PTPRQ: variants seen among roughly 807,000 people sequenced by gnomAD.
The protein encoded by PTPRQ is phosphatidylinositol phosphatase PTPRQ.
Under a neutral mutation model 246.0 loss-of-function variants are expected in PTPRQ, and 199 were observed. The ratio of observed to expected loss-of-function variants is 0.81; its 90% CI spans 0.72 to 0.91. The LOEUF (loss-of-function observed/expected upper bound fraction) is 0.91, where lower values mean the gene tolerates loss of function less well. Ranked by LOEUF, PTPRQ falls within the 40% of genes least tolerant of loss-of-function variation. The pLI, the probability that PTPRQ is intolerant of heterozygous loss-of-function variation, is 0.00. For synonymous variants in PTPRQ, 869 were observed against 853.2 expected (o/e 1.02, Z -0.32); for missense variants, 2,624 against 2,528.4 (o/e 1.04, Z -0.81).
intron 3 of PTPRQ, among the ~76,000 whole-genome samples, chr12:80,450,280 G>C (rs1479212992): frequency 6.6e-6 from 1 of 152,288 alleles, no homozygotes. Flanking sequence ...ATTTTGGGCT[G>C]AGACGATGGG....
At chr12:80,622,234 A>AACATT in intron 33 of PTPRQ, 100 bp downstream of exon 33, 1 of 1,001,756 alleles carries the variant, frequency 1.0e-6, no homozygotes, top group Non-Finnish European at 1.3e-6. Flanking sequence ...GTTTTAAAAT[A>AACATT]TAAACTCATT....
intron 18 of PTPRQ, 77 bp from the exon 19 acceptor site, chr12:80,534,815 G>A: frequency 6.9e-7 from 1 of 1,447,204 alleles, no homozygotes; most frequent in East Asian, 2.6e-5. Flanking sequence ...TTTATAAACT[G>A]TAGGTAAAAT....
chr12:80,652,918 T>G, intron 38 of PTPRQ, 84 bp downstream of exon 38: 1 of 1,310,724 alleles, frequency 7.6e-7, no homozygotes, highest in African/African-American at 1.5e-5. Flanking sequence ...CTTAATATAT[T>G]TTATTTTATA....
intron 14 of PTPRQ, among the ~76,000 whole-genome samples, chr12:80,503,847 T>C (rs916463131): frequency 4.0e-5 from 6 of 151,800 alleles, no homozygotes; most frequent in Non-Finnish European, 7.4e-5. Context: ...TCTGAATATG[T>C]TTTTAGTTTG....
At position 80,542,882 on chromosome 12, in the gene PTPRQ, G is replaced by A. The variant is rs1896196502; in HGVS notation, c.3873+1G>A. On this transcript the variant is annotated splice_donor_variant, in intron 23 of 44. Transcript: ENST00000644991. LOFTEE classifies it high-confidence loss of function. ...TGAAACTGACACTATATATTATAAG[G>A]TAGGTTGATTATAACAGTATATGTT... 3 of 1,464,680 alleles carry A rather than the reference G, an allele frequency of 2.0e-6. No homozygotes were observed. The highest frequency in any genetic ancestry group is 1.4e-5 in the South Asian group (1 of 70,690). 90.7% of individuals were successfully genotyped at this position (1,464,680 alleles called of 1,614,324 possible).
intron 8 of PTPRQ, among the ~76,000 whole-genome samples, chr12:80,478,967 G>C (rs1310211189): frequency 3.3e-5 from 5 of 152,068 alleles, no homozygotes; most frequent in Non-Finnish European, 7.4e-5. Context: ...ATATTATCCA[G>C]GAGAACTTCC....
chr12:80,468,277 A>C (rs1893505804), intron 6 of PTPRQ, among the ~76,000 whole-genome samples: 1 of 152,196 alleles, frequency 6.6e-6, no homozygotes, highest in Non-Finnish European at 1.5e-5. Flanking sequence ...CATAATTTTG[A>C]GGGTCATTTT....
intron 24 of PTPRQ, 85 bp from the exon 25 acceptor site, chr12:80,549,380 A>C: frequency 7.2e-7 from 1 of 1,394,794 alleles, no homozygotes; most frequent in African/African-American, 1.5e-5. Flanking sequence ...CTAAACACAG[A>C]TGTATCTAGT....
At chr12:80,553,387 A>G (rs1484918228) in intron 25 of PTPRQ, among the ~76,000 whole-genome samples, 1 of 152,036 alleles carries the variant, frequency 6.6e-6, no homozygotes, top group East Asian at 1.9e-4. Flanking sequence ...TTGTTTGTTG[A>G]TAAGAGGTTA....
At chr12:80,642,931 A>AAC (rs1565836934) in intron 35 of PTPRQ, among the ~76,000 whole-genome samples, 1 of 114,994 alleles carries the variant, frequency 8.7e-6, no homozygotes, top group Non-Finnish European at 1.6e-5. Context: ...AAAAAAAAAA[A>AAC]AAAAAAAAAA....
intron 32 of PTPRQ, among the ~76,000 whole-genome samples, chr12:80,621,522 C>T (rs1162713739): frequency 1.3e-5 from 2 of 151,794 alleles, no homozygotes; most frequent in African/African-American, 4.8e-5. Flanking sequence ...GCTTGATCTT[C>T]TTCTGTATCC....
chr12:80,455,597 T>G (rs1026733964), intron 3 of PTPRQ, among the ~76,000 whole-genome samples: 1 of 75,048 alleles, frequency 1.3e-5, no homozygotes, highest in East Asian at 2.0e-4. Flanking sequence ...CATAGTTGTT[T>G]TTTTTTTTTT....
intron 16 of PTPRQ, among the ~76,000 whole-genome samples, chr12:80,509,240 G>C (rs938675551): frequency 2.6e-5 from 4 of 151,796 alleles, no homozygotes; most frequent in African/African-American, 9.7e-5. Context: ...AAATTTTTTT[G>C]GAAAATTATT....
At chr12:80,559,013 A>AT (rs1467584947) in intron 25 of PTPRQ, among the ~76,000 whole-genome samples, 2 of 151,998 alleles carry the variant, frequency 1.3e-5, no homozygotes, top group African/African-American at 4.8e-5. Flanking sequence ...TTTGCAAATG[A>AT]TTTTTGCCAG....
At chr12:80,554,292 T>A (rs10862169) in intron 25 of PTPRQ, among the ~76,000 whole-genome samples, 45,900 of 152,034 alleles carry the variant, frequency 0.3, 9,198 homozygotes, top group African/African-American at 0.58. Flanking sequence ...ATTATTATAC[T>A]TTGCATTCCT....
At chr12:80,574,899 A>T (rs1897243731) in intron 25 of PTPRQ, among the ~76,000 whole-genome samples, 1 of 152,110 alleles carries the variant, frequency 6.6e-6, no homozygotes, top group African/African-American at 2.4e-5. Context: ...ATTTAAGGGG[A>T]GTTTAGTCCC....
chr12:80,481,787 A>G (rs1250034276), intron 8 of PTPRQ, among the ~76,000 whole-genome samples: 1 of 152,158 alleles, frequency 6.6e-6, no homozygotes, highest in Non-Finnish European at 1.5e-5. Context: ...TGCTTCAAAG[A>G]GAATAAAATA....
At chr12:80,649,281 T>C (rs1337661612) in intron 36 of PTPRQ, among the ~76,000 whole-genome samples, 1 of 152,188 alleles carries the variant, frequency 6.6e-6, no homozygotes, top group African/African-American at 2.4e-5. Flanking sequence ...TTATGTGCTT[T>C]AGGAGTCAAT....
At chr12:80,564,194 A>C (rs955101054) in intron 25 of PTPRQ, among the ~76,000 whole-genome samples, 2 of 152,020 alleles carry the variant, frequency 1.3e-5, no homozygotes, top group African/African-American at 4.8e-5. Context: ...TGCACCCACT[A>C]TCTCGTCATC....
Sources: gnomAD v4.1 joint callset for allele counts (sites outside exome capture counted in the v4.1 genomes callset) on GRCh38, gnomAD v4.1.1 for gene constraint, MANE v1.5 for transcripts, NCBI Gene and HGNC (gene_info 2026-07-23, HGNC 2026-07-21) for gene names.